The following JAK1 variants were observed in gnomAD, a reference collection of about 807,000 sequenced individuals.
The protein encoded by JAK1 is Janus kinase 1.
A neutral mutation model predicts 136.6 loss-of-function variants in JAK1; 16 were observed. That is an observed-to-expected ratio of 0.12 (90% CI 0.08 to 0.18). The LOEUF (loss-of-function observed/expected upper bound fraction) is 0.18. Among genes scored for constraint, JAK1 ranks in the 10% least tolerant of loss-of-function variants. JAK1 has a pLI of 1.00. For missense variants in JAK1, 859 were observed against 1,450.1 expected, an observed-to-expected ratio of 0.59 and a Z score of 6.62; for synonymous variants, 492 against 519.5, an observed-to-expected ratio of 0.95 and a Z score of 0.72.
At chr1:65,024,418 A>G (rs1646960846) in intron 2 of JAK1, among the ~76,000 whole-genome samples, 1 of 152,088 alleles carries the variant, frequency 6.6e-6, no homozygotes, top group Non-Finnish European at 1.5e-5. Flanking sequence ...GGAAATGTCT[A>G]TTCATAACAT....
intron 1 of JAK1, among the ~76,000 whole-genome samples, chr1:64,925,134 T>C (rs924758644): frequency 1.3e-5 from 2 of 151,902 alleles, no homozygotes; most frequent in Non-Finnish European, 2.9e-5. Context: ...CAGTGGCTCA[T>C]GCCTGTAATC....
At chr1:64,952,841 A>C (rs577470676) in intron 1 of JAK1, among the ~76,000 whole-genome samples, 1 of 152,360 alleles carries the variant, frequency 6.6e-6, no homozygotes, top group Admixed American at 6.5e-5. Flanking sequence ...ACACACACAT[A>C]CATAAACACA....
At chr1:64,965,836 G>C (rs1646364318) in intron 1 of JAK1, among the ~76,000 whole-genome samples, 1 of 152,020 alleles carries the variant, frequency 6.6e-6, no homozygotes, top group Non-Finnish European at 1.5e-5. Flanking sequence ...CCCTCGCTGA[G>C]ACCGCAAGGA....
intron 8 of JAK1, among the ~76,000 whole-genome samples, chr1:64,864,165 G>C (rs982403594): frequency 6.6e-6 from 1 of 152,202 alleles, no homozygotes; most frequent in Non-Finnish European, 1.5e-5. Flanking sequence ...CTCACCTTAA[G>C]AGTGCTAGCT....
At chr1:65,064,142 A>T (rs1647939224) in intron 1 of JAK1, among the ~76,000 whole-genome samples, 1 of 152,260 alleles carries the variant, frequency 6.6e-6, no homozygotes, top group South Asian at 2.1e-4. Flanking sequence ...GGATTTCAAA[A>T]CACTTAGTTT....
intron 2 of JAK1, among the ~76,000 whole-genome samples, chr1:64,885,219 A>C (rs1322797853): frequency 6.6e-6 from 1 of 152,230 alleles, no homozygotes; most frequent in African/African-American, 2.4e-5. Flanking sequence ...CAGATCAACA[A>C]GCAAGACCAC....
At chr1:64,841,083 T>A (rs748247105) in intron 19 of JAK1, among the ~76,000 whole-genome samples, 162 bp downstream of exon 19, 10 of 152,072 alleles carry the variant, frequency 6.6e-5, no homozygotes, top group African/African-American at 2.2e-4. Flanking sequence ...AAAGACACAA[T>A]CCCTTGTGAT....
Position 64,841,259 on chromosome 1 carries a change from G to A in JAK1, c.2635C>T (p.Arg879Cys), listed in dbSNP as rs776082057. 6.8e-6 allele frequency: 11 copies of A among 1,613,598 alleles called. No homozygotes were observed. Among genetic ancestry groups the A allele is most frequent in the Admixed American group, 5.0e-5 (3 of 60,010 alleles). The stretch of plus-strand genomic sequence containing the variant: ...GTGTAACTTACCTCTCCCAAGTCAC[G>A]GATCCTCTTTAGGAAGCGCTTTTCA... ...HFEKRFLKRI[R>C]DLGEGHFGKV... Residue 879 changes from arginine to cysteine, a missense_variant, in exon 19 of 25, where the codon CGT (arginine) becomes TGT (cysteine). Coordinates refer to ENST00000342505, the MANE Select transcript of JAK1 (RefSeq NM_002227.4).
At chr1:64,870,556 G>A (rs1657012935) in intron 5 of JAK1, among the ~76,000 whole-genome samples, 1 of 152,090 alleles carries the variant, frequency 6.6e-6, no homozygotes, top group Non-Finnish European at 1.5e-5. Flanking sequence ...GACCTGGCCA[G>A]GACCACTGTT....
At chr1:64,915,317 C>A (rs1645375563) in intron 1 of JAK1, among the ~76,000 whole-genome samples, 1 of 152,140 alleles carries the variant, frequency 6.6e-6, no homozygotes, top group Non-Finnish European at 1.5e-5. Flanking sequence ...ACTTTGGAAA[C>A]TGGAAAGTAG....
chr1:64,975,595 A>G (rs948946487), intron 2 of JAK1, among the ~76,000 whole-genome samples: 2 of 152,176 alleles, frequency 1.3e-5, no homozygotes, highest in African/African-American at 2.4e-5. Flanking sequence ...TCCCTTTTGC[A>G]TGGCCCATTT....
intron 1 of JAK1, among the ~76,000 whole-genome samples, chr1:64,922,182 GC>G (rs1645505974): frequency 6.6e-6 from 1 of 151,262 alleles, no homozygotes; most frequent in Non-Finnish European, 1.5e-5. Context: ...ACTACTAAAT[GC>G]CCCCCACCCC....
intron 2 of JAK1, among the ~76,000 whole-genome samples, chr1:65,032,647 A>G (rs1647034020): frequency 6.6e-6 from 1 of 152,254 alleles, no homozygotes; most frequent in African/African-American, 2.4e-5. Context: ...GAGGGACAGC[A>G]GGATTGTTTA....
intron 2 of JAK1, among the ~76,000 whole-genome samples, chr1:64,977,815 A>G (rs983310632): frequency 6.6e-6 from 1 of 152,178 alleles, no homozygotes; most frequent in Non-Finnish European, 1.5e-5. Context: ...TGTGCTAAGT[A>G]CATATGTGTT....
chr1:65,018,581 G>A (rs1019282245), intron 2 of JAK1, among the ~76,000 whole-genome samples: 1 of 151,670 alleles, frequency 6.6e-6, no homozygotes, highest in African/African-American at 2.4e-5. Context: ...GATAATAAAA[G>A]GATATAATGA....
intron 2 of JAK1, among the ~76,000 whole-genome samples, chr1:65,013,828 A>G (rs1293872795): frequency 6.6e-6 from 1 of 152,212 alleles, no homozygotes. Context: ...GTAGAAACAG[A>G]GTCAAAAAGA....
At chr1:64,949,384 G>A (rs931305276) in intron 1 of JAK1, among the ~76,000 whole-genome samples, 4 of 152,148 alleles carry the variant, frequency 2.6e-5, no homozygotes, top group African/African-American at 9.7e-5. Flanking sequence ...ATGCAAAAAT[G>A]TACTGCATTT....
chr1:64,882,027 GA>G (rs1366093975), intron 3 of JAK1, among the ~76,000 whole-genome samples: 1 of 152,210 alleles, frequency 6.6e-6, no homozygotes, highest in East Asian at 1.9e-4. Context: ...GCTGTCTAAA[GA>G]TGGTTATTTG....
At chr1:64,966,757 G>T (rs1322352666), upstream of JAK1, among the ~76,000 whole-genome samples, 1 of 147,722 alleles carries the variant, frequency 6.8e-6, no homozygotes, top group African/African-American at 2.5e-5. Flanking sequence ...TGTTCACCGC[G>T]TCCTCTAGAT....
Sources: allele counts gnomAD v4.1 joint callset (sites outside exome capture counted in the v4.1 genomes callset), GRCh38; gene constraint gnomAD v4.1.1; transcripts MANE v1.5; gene names NCBI Gene and HGNC (gene_info 2026-07-23, HGNC 2026-07-21).